The following RCOR1 variants were observed in gnomAD, a reference collection of about 807,000 sequenced individuals.
The protein encoded by RCOR1 is REST corepressor 1.
In RCOR1, 12 loss-of-function variants were observed where a neutral mutation model predicts 64.0. The ratio of observed to expected loss-of-function variants is 0.19; its 90% CI spans 0.12 to 0.30. The LOEUF (loss-of-function observed/expected upper bound fraction) is 0.30, where lower values mean the gene tolerates loss of function less well. Among genes scored for constraint, RCOR1 ranks in the 10% least tolerant of loss-of-function variants. The pLI is 1.00. For synonymous variants in RCOR1, 279 were observed against 227.2 expected, an observed-to-expected ratio of 1.23 and a Z score of -2.05; for missense variants, 502 against 621.2, an observed-to-expected ratio of 0.81 and a Z score of 2.04.
At chr14:102,657,260 T>TC in intron 2 of RCOR1, 2 of 985,364 alleles carry the variant, frequency 2.0e-6, no homozygotes, top group East Asian at 2.3e-4. Flanking sequence ...ATTTAGGATT[T>TC]CCCACCTGTA....
chr14:102,693,496 T>C (rs983328806), intron 3 of RCOR1, among the ~76,000 whole-genome samples: 1 of 152,154 alleles, frequency 6.6e-6, no homozygotes, highest in African/African-American at 2.4e-5. Flanking sequence ...GGCTACTCTA[T>C]TGGATGAAGA....
chr14:102,621,154 T>C (rs1318691108), intron 2 of RCOR1, among the ~76,000 whole-genome samples: 1 of 152,148 alleles, frequency 6.6e-6, no homozygotes, highest in Non-Finnish European at 1.5e-5. Flanking sequence ...GAATTTTTTG[T>C]AGAGACAGGA....
chr14:102,597,072 C>T (rs1047088952), intron 2 of RCOR1, among the ~76,000 whole-genome samples: 5 of 151,704 alleles, frequency 3.3e-5, no homozygotes, highest in African/African-American at 7.3e-5. Context: ...GGGGTTTCAC[C>T]ATATTGGCCA....
intron 2 of RCOR1, among the ~76,000 whole-genome samples, chr14:102,623,370 ACTTC>A (rs1046440653): frequency 1.4e-5 from 2 of 143,246 alleles, no homozygotes; most frequent in Non-Finnish European, 3.0e-5. Flanking sequence ...ATAACAATTT[ACTTC>A]CTTTATTTAT....
At chr14:102,711,072 A>G in intron 7 of RCOR1, 59 bp downstream of exon 7, 1 of 1,132,816 alleles carries the variant, frequency 8.8e-7, no homozygotes, top group Non-Finnish European at 1.3e-6. Flanking sequence ...TTTCATAAAT[A>G]AAACATTCAT....
intron 4 of RCOR1, among the ~76,000 whole-genome samples, chr14:102,704,031 C>A (rs1359145402): frequency 6.6e-6 from 1 of 152,262 alleles, no homozygotes; most frequent in Admixed American, 6.5e-5. Context: ...TTCATATAAT[C>A]TAGTCAGATA....
intron 2 of RCOR1, among the ~76,000 whole-genome samples, chr14:102,652,250 A>T (rs1894608700): frequency 6.6e-6 from 1 of 152,244 alleles, no homozygotes; most frequent in Non-Finnish European, 1.5e-5. Flanking sequence ...ATTGAAACTT[A>T]AAGAGATTAG....
chr14:102,640,535 A>G (rs1894344950), intron 2 of RCOR1, among the ~76,000 whole-genome samples: 1 of 152,186 alleles, frequency 6.6e-6, no homozygotes, highest in Non-Finnish European at 1.5e-5. Context: ...TTTGGTTGCA[A>G]TTTTTTAAAA....
intron 6 of RCOR1, among the ~76,000 whole-genome samples, chr14:102,709,910 A>T (rs1354213624): frequency 6.6e-6 from 1 of 152,118 alleles, no homozygotes; most frequent in African/African-American, 2.4e-5. Flanking sequence ...TACTCCCTGG[A>T]GGCTTTTTTT....
At chr14:102,623,849 G>C (rs1295292600) in intron 2 of RCOR1, among the ~76,000 whole-genome samples, 2 of 151,490 alleles carry the variant, frequency 1.3e-5, no homozygotes, top group Non-Finnish European at 2.9e-5. Flanking sequence ...GAAGTCAGGA[G>C]ATCGAGACCA....
At chr14:102,641,049 C>G (rs183436714) in intron 2 of RCOR1, among the ~76,000 whole-genome samples, 18 of 151,946 alleles carry the variant, frequency 1.2e-4, no homozygotes, top group African/African-American at 2.4e-4. Flanking sequence ...GTCAGGAGAT[C>G]GAGACCGTCC....
intron 4 of RCOR1, among the ~76,000 whole-genome samples, chr14:102,701,549 C>G (rs1266232272): frequency 2.6e-5 from 4 of 152,162 alleles, no homozygotes; most frequent in African/African-American, 9.7e-5. Context: ...ATCTGCAGAT[C>G]TACAGCCTTT....
chr14:102,627,645 A>C (rs1894007289), intron 2 of RCOR1, among the ~76,000 whole-genome samples: 1 of 150,980 alleles, frequency 6.6e-6, no homozygotes, highest in African/African-American at 2.4e-5. Context: ...CGACAGAGTG[A>C]GACTCTGTCT....
At chr14:102,701,222 C>G (rs1895751652) in intron 3 of RCOR1, 56 bp from the exon 4 acceptor site, 3 of 1,377,614 alleles carry the variant, frequency 2.2e-6, no homozygotes, top group Non-Finnish European at 1.0e-6. Flanking sequence ...TCTAGCAGAC[C>G]ATAGGGTGTA....
chr14:102,659,599 A>ATG (rs1159633293), intron 2 of RCOR1, among the ~76,000 whole-genome samples: 2 of 152,196 alleles, frequency 1.3e-5, no homozygotes, highest in Admixed American at 1.3e-4. Context: ...CTTCATGTGT[A>ATG]TGGTTTCCCC....
intron 3 of RCOR1, among the ~76,000 whole-genome samples, chr14:102,689,128 G>A (rs12884198): frequency 0.039 from 5,900 of 152,222 alleles, 130 homozygotes; most frequent in Non-Finnish European, 0.044. Flanking sequence ...CAAAGTGGGC[G>A]TATTAGAGTT....
intron 2 of RCOR1, among the ~76,000 whole-genome samples, chr14:102,659,647 CT>C (rs1894792954): frequency 6.6e-6 from 1 of 152,156 alleles, no homozygotes. Context: ...TTCTTTGTAG[CT>C]TTAATAGTTT....
At chr14:102,598,625 T>A (rs1893318258) in intron 2 of RCOR1, among the ~76,000 whole-genome samples, 1 of 151,960 alleles carries the variant, frequency 6.6e-6, no homozygotes, top group South Asian at 2.1e-4. Flanking sequence ...TTTTTTTGTA[T>A]TTTAAGTAGA....
intron 8 of RCOR1, among the ~76,000 whole-genome samples, chr14:102,715,398 T>A (rs1197526603): frequency 6.6e-6 from 1 of 151,332 alleles, no homozygotes; most frequent in Non-Finnish European, 1.5e-5. Flanking sequence ...TATTTTGTTT[T>A]TGAGACAGTG....
Sources: gnomAD v4.1 joint callset for allele counts (sites outside exome capture counted in the v4.1 genomes callset) on GRCh38, gnomAD v4.1.1 for gene constraint, MANE v1.5 for transcripts, NCBI Gene and HGNC (gene_info 2026-07-23, HGNC 2026-07-21) for gene names.